OSBP2: variants seen among roughly 807,000 people sequenced by gnomAD.
OSBP2 encodes oxysterol binding protein 2, also known as oxysterol-binding protein 2.
A neutral mutation model predicts 96.0 loss-of-function variants in OSBP2; 66 were observed. The observed-to-expected ratio is 0.69, with a 90% CI of 0.56 to 0.84. The LOEUF is 0.84. OSBP2 is among the 40% of genes least tolerant of loss of function. OSBP2 has a pLI of 0.00. For synonymous variants in OSBP2, 525 were observed against 520.9 expected (o/e 1.01, Z -0.11); for missense variants, 1,038 against 1,222.7 (o/e 0.85, Z 2.25).
intron 2 of OSBP2, among the ~76,000 whole-genome samples, chr22:30,832,980 C>T (rs536074079): frequency 1.3e-5 from 2 of 152,250 alleles, no homozygotes; most frequent in Admixed American, 6.5e-5. Context: ...GGAAATGTGG[C>T]CATAGATACT....
At chr22:30,786,555 AG>A (rs2090592882) in intron 2 of OSBP2, among the ~76,000 whole-genome samples, 1 of 152,044 alleles carries the variant, frequency 6.6e-6, no homozygotes, top group African/African-American at 2.4e-5. Context: ...AGGGTCGGGA[AG>A]GTTGCCTAGA....
rs531687609 is a variant in OSBP2 at position 30,737,251 on chromosome 22, G to A, written c.645-3910G>A. Among the ~76,000 whole-genome samples, 130 of 151,680 alleles carry A rather than the reference G, an allele frequency of 8.6e-4. 1 individual carries two copies. Among genetic ancestry groups the A allele is most frequent in the African/African-American group, 3.1e-3 (128 of 41,326 alleles). On this transcript the variant is annotated intron_variant, in intron 1 of 13. Coordinates refer to ENST00000332585, the MANE Select transcript of OSBP2 (RefSeq NM_030758.4). ...GGCTGGTCTCGAACTCCTGACTTCAGGTGATCCTGCAGCCTCGGCGTCCCA... is the reference window on the plus strand; with the variant it reads ...GGCTGGTCTCGAACTCCTGACTTCAAGTGATCCTGCAGCCTCGGCGTCCCA...
intron 1 of OSBP2, among the ~76,000 whole-genome samples, chr22:30,709,494 A>C (rs2089309097): frequency 6.6e-6 from 1 of 152,028 alleles, no homozygotes; most frequent in Non-Finnish European, 1.5e-5. Context: ...ATCTTAGATT[A>C]GTCTAATTGT....
chr22:30,699,432 A>G (rs996539739), intron 1 of OSBP2, among the ~76,000 whole-genome samples: 1 of 152,188 alleles, frequency 6.6e-6, no homozygotes, highest in African/African-American at 2.4e-5. Context: ...TCTTGAGTAT[A>G]ATTTCTGGGT....
intron 1 of OSBP2, among the ~76,000 whole-genome samples, chr22:30,736,269 TTTC>T (rs2089854164): frequency 6.6e-6 from 1 of 152,212 alleles, no homozygotes; most frequent in South Asian, 2.1e-4. Context: ...TAGCATTGGT[TTTC>T]TTCACAGGTT....
chr22:30,761,799 A>G (rs8135650), intron 2 of OSBP2, among the ~76,000 whole-genome samples: 6 of 152,256 alleles, frequency 3.9e-5, no homozygotes, highest in Admixed American at 1.3e-4. Context: ...AAATATGGTC[A>G]GATGGCTTTT....
intron 1 of OSBP2, among the ~76,000 whole-genome samples, chr22:30,715,367 T>C (rs1277386328): frequency 4.7e-5 from 4 of 84,340 alleles, no homozygotes; most frequent in Admixed American, 3.5e-4. Context: ...TCTCTCTCTC[T>C]CTTTTTTTTT....
At chr22:30,813,123 T>G (rs2091031697) in intron 2 of OSBP2, among the ~76,000 whole-genome samples, 1 of 152,036 alleles carries the variant, frequency 6.6e-6, no homozygotes, top group Non-Finnish European at 1.5e-5. Flanking sequence ...AGGCTTGTTT[T>G]TTAGTAGTAG....
At chr22:30,747,071 A>G (rs553344524) in intron 2 of OSBP2, among the ~76,000 whole-genome samples, 1 of 152,216 alleles carries the variant, frequency 6.6e-6, no homozygotes, top group African/African-American at 2.4e-5. Flanking sequence ...AAAAAGCCAC[A>G]TGTGGCCCTC....
chr22:30,869,353 G>A (rs2039412474), intron 2 of OSBP2, among the ~76,000 whole-genome samples: 1 of 152,200 alleles, frequency 6.6e-6, no homozygotes, highest in Non-Finnish European at 1.5e-5. Flanking sequence ...CCTGGGGATG[G>A]TCCAGTCCCT....
chr22:30,728,411 T>A lies in OSBP2; in HGVS notation c.645-12750T>A, dbSNP rs937664413. Among the ~76,000 whole-genome samples, 78 of 126,782 alleles carry A rather than the reference T, an allele frequency of 6.2e-4. 1 individual carries two copies. The highest frequency in any genetic ancestry group is 4.0e-3 in the Middle Eastern group (1 of 252). The allele number at this position is 126,782 out of a possible 152,430, so 83.2% of individuals were successfully genotyped here. ...CTCCGTCTCAAAAAAAAAAAAAAAA[T>A]ACAAAAATTAGCTGGGTGCAGTAGT... On this transcript the variant is annotated intron_variant, in intron 1 of 13. Coordinates refer to ENST00000332585, the MANE Select transcript of OSBP2 (RefSeq NM_030758.4).
chr22:30,701,987 T>C (rs2089170621), intron 1 of OSBP2, among the ~76,000 whole-genome samples: 1 of 152,042 alleles, frequency 6.6e-6, no homozygotes, highest in South Asian at 2.1e-4. Context: ...ACACCAACAT[T>C]CTTAGCAAGT....
intron 12 of OSBP2, among the ~76,000 whole-genome samples, chr22:30,900,863 A>G (rs573077379): frequency 4.6e-5 from 7 of 152,344 alleles, no homozygotes; most frequent in African/African-American, 1.2e-4. Flanking sequence ...TTAAGACACA[A>G]GCATTCATAT....
In OSBP2 at chr22:30,833,567, C is replaced by T. The variant is rs181696419; in HGVS notation, c.854-36862C>T. Among the ~76,000 whole-genome samples the T allele has an allele frequency of 3.0e-4, 45 of 152,256 alleles. 1 individual carries two copies. The East Asian group carries it at 5.4e-3, about 18-fold the overall frequency. On this transcript the variant is annotated intron_variant, in intron 2 of 13. Transcript: ENST00000332585. ...GTAGGTGTGGCAGCTGAGACATTGACGCAGAATTTGCCTTGTCACACAGCC... is the reference window on the plus strand; with the variant it reads ...GTAGGTGTGGCAGCTGAGACATTGATGCAGAATTTGCCTTGTCACACAGCC...
chr22:30,895,720 CT>C, intron 12 of OSBP2, among the ~76,000 whole-genome samples: 1 of 152,162 alleles, frequency 6.6e-6, no homozygotes, highest in South Asian at 2.1e-4. Flanking sequence ...AAGCAGATCA[CT>C]TGAGGTTAGG....
At chr22:30,847,949 C>T (rs1191167569) in intron 2 of OSBP2, among the ~76,000 whole-genome samples, 1 of 152,016 alleles carries the variant, frequency 6.6e-6, no homozygotes, top group East Asian at 1.9e-4. Context: ...TTTTTATATA[C>T]TGTTTTTCTT....
intron 2 of OSBP2, among the ~76,000 whole-genome samples, chr22:30,856,403 T>TTTTTTTTTG (rs2039080181): frequency 9.4e-6 from 1 of 106,122 alleles, no homozygotes; most frequent in Non-Finnish European, 1.8e-5. Flanking sequence ...TTTTTTTTTT[T>TTTTTTTTTG]GGAGACAGGG....
intron 2 of OSBP2, among the ~76,000 whole-genome samples, chr22:30,782,009 G>A (rs1352920674): frequency 6.6e-6 from 1 of 152,154 alleles, no homozygotes; most frequent in African/African-American, 2.4e-5. Flanking sequence ...AGCCAGGCGT[G>A]GTGGTGGGCA....
chr22:30,717,250 T>C (rs2089477824), intron 1 of OSBP2, among the ~76,000 whole-genome samples: 1 of 152,036 alleles, frequency 6.6e-6, no homozygotes, highest in Non-Finnish European at 1.5e-5. Flanking sequence ...TGCACCTTGC[T>C]GGGTCTTTAA....
Sources: allele counts gnomAD v4.1 joint callset (sites outside exome capture counted in the v4.1 genomes callset), GRCh38; gene constraint gnomAD v4.1.1; transcripts MANE v1.5; gene names NCBI Gene and HGNC (gene_info 2026-07-23, HGNC 2026-07-21).